GALNTL6: variants seen among roughly 807,000 people sequenced by gnomAD.
GALNTL6 encodes polypeptide N-acetylgalactosaminyltransferase-like 6.
Under a neutral mutation model 73.7 loss-of-function variants are expected in GALNTL6, and 46 were observed. That is an observed-to-expected ratio of 0.62 (90% CI 0.49 to 0.80). GALNTL6 has a LOEUF of 0.80. Ranked by LOEUF, GALNTL6 falls within the 30% of genes least tolerant of loss-of-function variation. The pLI is 0.00. For synonymous variants in GALNTL6, 259 were observed against 263.7 expected (o/e 0.98, Z 0.17); for missense variants, 604 against 755.0 (o/e 0.80, Z 2.34).
chr4:171,947,030 G>A (rs1437533786), intron 2 of GALNTL6, among the ~76,000 whole-genome samples: 1 of 152,008 alleles, frequency 6.6e-6, no homozygotes, highest in Non-Finnish European at 1.5e-5. Context: ...GAAAAAGTGG[G>A]AAAAATGAAG....
At chr4:172,648,914 CTT>C (rs967505307) in intron 5 of GALNTL6, among the ~76,000 whole-genome samples, 4 of 152,170 alleles carry the variant, frequency 2.6e-5, no homozygotes, top group African/African-American at 9.6e-5. Context: ...GTCCCTTACT[CTT>C]TACCTTACCT....
chr4:171,915,241 A>G (rs566546987), intron 2 of GALNTL6, among the ~76,000 whole-genome samples: 1 of 152,284 alleles, frequency 6.6e-6, no homozygotes, highest in African/African-American at 2.4e-5. Flanking sequence ...CTCCAGCTTT[A>G]CTTCTGCCAG....
intron 5 of GALNTL6, among the ~76,000 whole-genome samples, chr4:172,755,721 G>C (rs973588773): frequency 6.6e-6 from 1 of 152,146 alleles, no homozygotes; most frequent in African/African-American, 2.4e-5. Flanking sequence ...AAATTTTGCA[G>C]GCTTTGGGAG....
intron 5 of GALNTL6, chr4:172,667,056 G>A (rs1440294865): frequency 6.6e-6 from 1 of 152,208 alleles, no homozygotes; most frequent in African/African-American, 2.4e-5. Context: ...AAGTCCACTT[G>A]CTGCGTATGT....
At chr4:171,887,141 GGCAA>G (rs1449825280) in intron 2 of GALNTL6, among the ~76,000 whole-genome samples, 6 of 152,144 alleles carry the variant, frequency 3.9e-5, no homozygotes, top group African/African-American at 1.4e-4. Context: ...ATGGCAGACA[GGCAA>G]GAGAGCAAAC....
At chr4:172,337,338 G>A (rs1292453535) in intron 4 of GALNTL6, among the ~76,000 whole-genome samples, 2 of 152,096 alleles carry the variant, frequency 1.3e-5, no homozygotes, top group Non-Finnish European at 1.5e-5. Context: ...TTAACTGGTT[G>A]CTTTGTAGTT....
At chr4:172,079,434 T>A (rs572763265) in intron 2 of GALNTL6, among the ~76,000 whole-genome samples, 14 of 152,116 alleles carry the variant, frequency 9.2e-5, no homozygotes, top group Non-Finnish European at 1.9e-4. Flanking sequence ...CTTTGATTAA[T>A]TGACTATTTT....
intron 5 of GALNTL6, among the ~76,000 whole-genome samples, chr4:172,501,284 TA>T (rs1734251789): frequency 6.6e-6 from 1 of 152,144 alleles, no homozygotes; most frequent in Non-Finnish European, 1.5e-5. Context: ...TACCTCAAAA[TA>T]AAAAGGCAAC....
At chr4:172,104,935 A>T (rs991518286) in intron 2 of GALNTL6, among the ~76,000 whole-genome samples, 6 of 152,218 alleles carry the variant, frequency 3.9e-5, no homozygotes, top group African/African-American at 1.4e-4. Flanking sequence ...TTTCATAAAA[A>T]ACAACTGCTG....
intron 5 of GALNTL6, among the ~76,000 whole-genome samples, chr4:172,620,095 T>G (rs985894218): frequency 3.9e-5 from 6 of 152,218 alleles, no homozygotes; most frequent in African/African-American, 1.4e-4. Flanking sequence ...AGTCTGCATT[T>G]ACTAAAGAAA....
At chr4:172,944,100 T>C (rs928616594) in intron 9 of GALNTL6, among the ~76,000 whole-genome samples, 1 of 152,136 alleles carries the variant, frequency 6.6e-6, no homozygotes, top group Non-Finnish European at 1.5e-5. Context: ...TTCTTAGGTA[T>C]GACACCATAG....
At chr4:173,000,030 C>T (rs1751976117) in intron 10 of GALNTL6, among the ~76,000 whole-genome samples, 1 of 152,006 alleles carries the variant, frequency 6.6e-6, no homozygotes, top group African/African-American at 2.4e-5. Context: ...ATACACTGCC[C>T]CAGTCTCATT....
chr4:172,567,809 C>G (rs1736613690), intron 5 of GALNTL6, among the ~76,000 whole-genome samples: 1 of 152,080 alleles, frequency 6.6e-6, no homozygotes, highest in African/African-American at 2.4e-5. Context: ...TCACTCTAAC[C>G]TGGGTGAGAT....
At chr4:172,151,051 T>C (rs1734074210) in intron 2 of GALNTL6, among the ~76,000 whole-genome samples, 1 of 152,152 alleles carries the variant, frequency 6.6e-6, no homozygotes, top group African/African-American at 2.4e-5. Flanking sequence ...AAAGAACACA[T>C]CCAGTGATAT....
Position 172,071,642 on chromosome 4 carries a change from G to C in GALNTL6, c.139-158014G>C, listed in dbSNP as rs1054601111. 7.2e-4 allele frequency among the ~76,000 whole-genome samples: 79 copies of C among 110,228 alleles called. 30 individuals carry two copies. Among genetic ancestry groups the C allele is most frequent in the Admixed American group, 5.7e-3 (60 of 10,582 alleles). 72.3% of individuals were successfully genotyped at this position (110,228 alleles called of 152,430 possible). On this transcript the variant is annotated intron_variant, in intron 2 of 12. Coordinates refer to ENST00000506823, the MANE Select transcript of GALNTL6 (RefSeq NM_001034845.3). Reference sequence around the variant, plus strand: ...TCAGCCCATCAATGCATTTAAGGTAGTGTTTGTTGTATATAAATAAATTCA... The same window carrying C: ...TCAGCCCATCAATGCATTTAAGGTACTGTTTGTTGTATATAAATAAATTCA...
chr4:172,285,752 A>G (rs992785196), intron 3 of GALNTL6, among the ~76,000 whole-genome samples: 1 of 152,096 alleles, frequency 6.6e-6, no homozygotes, highest in Non-Finnish European at 1.5e-5. Flanking sequence ...CTCTGTACAA[A>G]TCTATTCCTT....
intron 2 of GALNTL6, among the ~76,000 whole-genome samples, chr4:172,099,792 C>T (rs776024607): frequency 1.3e-4 from 20 of 152,060 alleles, no homozygotes; most frequent in Non-Finnish European, 2.8e-4. Flanking sequence ...GGTTAGAACA[C>T]GATACTTAAA....
chr4:172,828,303 A>G (rs868617538), intron 7 of GALNTL6, among the ~76,000 whole-genome samples: 3 of 151,822 alleles, frequency 2.0e-5, no homozygotes, highest in Non-Finnish European at 4.4e-5. Context: ...CAAACAAAAA[A>G]AACATTGAAG....
At chr4:172,152,671 A>G (rs1297360172) in intron 2 of GALNTL6, among the ~76,000 whole-genome samples, 2 of 152,142 alleles carry the variant, frequency 1.3e-5, no homozygotes, top group East Asian at 3.9e-4. Context: ...TACAGTAGTG[A>G]GATGTCAGCT....
Sources: gnomAD v4.1 joint callset for allele counts (sites outside exome capture counted in the v4.1 genomes callset) on GRCh38, gnomAD v4.1.1 for gene constraint, MANE v1.5 for transcripts, NCBI Gene and HGNC (gene_info 2026-07-23, HGNC 2026-07-21) for gene names.